EPHA6: variants seen among roughly 807,000 people sequenced by gnomAD.
EPHA6 encodes EPH receptor A6.
EPHA6 carries 50 observed loss-of-function variants against 112.0 expected under a neutral mutation model. The ratio of observed to expected loss-of-function variants is 0.45; its 90% CI spans 0.36 to 0.56. EPHA6 has a LOEUF of 0.56. Among genes scored for constraint, EPHA6 ranks in the 20% least tolerant of loss-of-function variants. The pLI is 0.00. For synonymous variants in EPHA6, 529 were observed against 490.7 expected (o/e 1.08, Z -1.03); for missense variants, 1,280 against 1,417.4 (o/e 0.90, Z 1.56).
intron 5 of EPHA6, among the ~76,000 whole-genome samples, chr3:97,303,533 A>G (rs1391691557): frequency 6.6e-6 from 1 of 152,056 alleles, no homozygotes; most frequent in African/African-American, 2.4e-5. Context: ...CAGGCTGTCT[A>G]CAAGCTGGAC....
At chr3:97,610,148 TG>T (rs2093707903) in intron 12 of EPHA6, among the ~76,000 whole-genome samples, 1 of 151,622 alleles carries the variant, frequency 6.6e-6, no homozygotes, top group South Asian at 2.1e-4. Flanking sequence ...TTATTTTTCA[TG>T]TACTGCCATC....
chr3:96,840,241 T>TG (rs2034656245), intron 1 of EPHA6, among the ~76,000 whole-genome samples: 1 of 152,126 alleles, frequency 6.6e-6, no homozygotes, highest in African/African-American at 2.4e-5. Context: ...TTTGCTCTTC[T>TG]GGTAACCAGA....
At chr3:97,313,660 C>A (rs1332375665) in intron 5 of EPHA6, among the ~76,000 whole-genome samples, 1 of 151,480 alleles carries the variant, frequency 6.6e-6, no homozygotes, top group Non-Finnish European at 1.5e-5. Context: ...TTTCATGTAT[C>A]TTGGACATTT....
intron 14 of EPHA6, among the ~76,000 whole-genome samples, chr3:97,713,279 CT>C (rs1228444686): frequency 6.6e-6 from 1 of 151,904 alleles, no homozygotes; most frequent in African/African-American, 2.4e-5. Flanking sequence ...AAATTCAGAC[CT>C]TTTTCAACCC....
intron 2 of EPHA6, among the ~76,000 whole-genome samples, chr3:96,983,571 C>T (rs577021952): frequency 6.6e-6 from 1 of 152,264 alleles, no homozygotes; most frequent in African/African-American, 2.4e-5. Context: ...GTGGCATTCT[C>T]TGTATTTCCT....
chr3:97,115,471 T>C (rs1324623446), intron 3 of EPHA6, among the ~76,000 whole-genome samples: 2 of 151,750 alleles, frequency 1.3e-5, no homozygotes, highest in Non-Finnish European at 2.9e-5. Context: ...TGGTAGGAAA[T>C]GTTAATTTAC....
At chr3:97,042,412 C>A (rs2045349096) in intron 3 of EPHA6, among the ~76,000 whole-genome samples, 1 of 152,078 alleles carries the variant, frequency 6.6e-6, no homozygotes, top group South Asian at 2.1e-4. Flanking sequence ...GCCTGCAGAA[C>A]TGTTAGCCAA....
chr3:96,830,735 A>T (rs1453608357), intron 1 of EPHA6, among the ~76,000 whole-genome samples: 1 of 152,050 alleles, frequency 6.6e-6, no homozygotes. Context: ...TGTTTTAAAA[A>T]TAATAGAAAG....
rs1453720533 is a variant in EPHA6 at position 97,507,914 on chromosome 3, T to C, written c.2200+23855T>C. 2.0e-5 allele frequency among the ~76,000 whole-genome samples: 3 copies of C among 152,310 alleles called. No individual in the cohort carries two copies. The East Asian group carries it at 5.8e-4, about 29-fold the overall frequency. On this transcript the variant is annotated intron_variant, in intron 10 of 17. Coordinates refer to ENST00000389672, the MANE Select transcript of EPHA6 (RefSeq NM_001080448.3). ...GAGGGTGTACGTGTCCAGGAATTTA[T>C]CCATTTCTTCTAGGTTTTCTAGTTT...
At chr3:97,247,966 G>T (rs1393084196) in intron 5 of EPHA6, among the ~76,000 whole-genome samples, 2 of 151,726 alleles carry the variant, frequency 1.3e-5, no homozygotes. Flanking sequence ...AATTGGCATT[G>T]GTTTGCTTTT....
At position 96,814,992 on chromosome 3, in the gene EPHA6, C is replaced by T. The variant is rs568474301; in HGVS notation, c.369C>T (p.His123=). The T allele has an allele frequency of 7.2e-6, 11 of 1,523,616 alleles. No homozygotes were observed. In the South Asian group the frequency reaches 8.7e-5, roughly 12 times the overall value. The allele number at this position is 1,523,616 out of a possible 1,614,324, so 94.4% of individuals were successfully genotyped here. Residue 123 remains histidine (H), a synonymous_variant, in exon 1 of 18, where the codon CAC becomes CAT. Coordinates refer to ENST00000389672, the MANE Select transcript of EPHA6 (RefSeq NM_001080448.3). ...CAGCGTGGCCAGGCGACTGCAGTCA[C>T]GTCTCCAACAACCAAGGTAAGGGAC... ...LLTAWPGDCS[H]VSNNQVVLLD... is the part of the protein sequence containing the mutation.
chr3:96,854,612 G>A (rs2035588404), intron 1 of EPHA6, among the ~76,000 whole-genome samples: 3 of 152,112 alleles, frequency 2.0e-5, no homozygotes, highest in Admixed American at 1.3e-4. Flanking sequence ...ATATGTATAT[G>A]TGTGTGTGTA....
chr3:97,365,418 G>T (rs1030048779), intron 5 of EPHA6, among the ~76,000 whole-genome samples: 6 of 151,206 alleles, frequency 4.0e-5, no homozygotes, highest in Non-Finnish European at 8.8e-5. Flanking sequence ...TGAGATGGGA[G>T]TCTCACTCTG....
intron 5 of EPHA6, among the ~76,000 whole-genome samples, chr3:97,273,480 C>T (rs1474511876): frequency 6.6e-6 from 1 of 152,066 alleles, no homozygotes; most frequent in East Asian, 1.9e-4. Context: ...AGGCTGGGGC[C>T]TAATAAAAAG....
At chr3:97,416,407 T>A (rs1008750807) in intron 6 of EPHA6, among the ~76,000 whole-genome samples, 2 of 152,160 alleles carry the variant, frequency 1.3e-5, no homozygotes, top group Non-Finnish European at 2.9e-5. Flanking sequence ...TGAAACATTT[T>A]CATTTTTGGA....
At chr3:97,047,442 G>A (rs2045547421) in intron 3 of EPHA6, among the ~76,000 whole-genome samples, 1 of 147,070 alleles carries the variant, frequency 6.8e-6, no homozygotes, top group South Asian at 2.2e-4. Flanking sequence ...GGAGCTTGCA[G>A]TGAGCAGAGA....
chr3:97,164,380 T>C (rs931075729), intron 3 of EPHA6, among the ~76,000 whole-genome samples: 1 of 152,160 alleles, frequency 6.6e-6, no homozygotes, highest in African/African-American at 2.4e-5. Flanking sequence ...CATTAGTAAA[T>C]GGTTAAAATA....
At chr3:96,863,957 T>A (rs1428533374) in intron 1 of EPHA6, among the ~76,000 whole-genome samples, 1 of 152,030 alleles carries the variant, frequency 6.6e-6, no homozygotes, top group Non-Finnish European at 1.5e-5. Flanking sequence ...TTATGAACAT[T>A]TAAAAATCAC....
chr3:97,729,031 TGTC>T (rs1357433601), intron 15 of EPHA6, among the ~76,000 whole-genome samples: 1 of 152,078 alleles, frequency 6.6e-6, no homozygotes, highest in African/African-American at 2.4e-5. Context: ...GATGGAGAAT[TGTC>T]TTAGGTGTAG....
Sources: allele counts gnomAD v4.1 joint callset (sites outside exome capture counted in the v4.1 genomes callset), GRCh38; gene constraint gnomAD v4.1.1; transcripts MANE v1.5; gene names NCBI Gene and HGNC (gene_info 2026-07-23, HGNC 2026-07-21).